Variants in SCHIP1 observed in about 807,000 individuals in gnomAD.
SCHIP1 encodes the protein schwannomin interacting protein 1, also known as schwannomin-interacting protein 1.
SCHIP1 carries 8 observed loss-of-function variants against 29.7 expected under a neutral mutation model. The observed-to-expected ratio is 0.27, with a 90% CI of 0.16 to 0.49. The LOEUF (loss-of-function observed/expected upper bound fraction) is 0.49, where lower values mean the gene tolerates loss of function less well. SCHIP1 is among the 20% of genes least tolerant of loss of function. SCHIP1 has a pLI of 0.99. For missense variants in SCHIP1, 193 were observed against 294.6 expected, an observed-to-expected ratio of 0.66 and a Z score of 2.52; for synonymous variants, 76 against 94.9, an observed-to-expected ratio of 0.80 and a Z score of 1.16.
At chr3:159,752,892 A>C in the SCHIP1 span, among the ~76,000 whole-genome samples, 1 of 152,322 alleles carries the variant, frequency 6.6e-6, no homozygotes, top group East Asian at 1.9e-4. Context: ...TATTCCCCAG[A>C]ATTAATGTGT....
chr3:159,420,593 C>G, the SCHIP1 span, among the ~76,000 whole-genome samples: 1 of 152,140 alleles, frequency 6.6e-6, no homozygotes, highest in East Asian at 1.9e-4. Flanking sequence ...AGGGAAATTT[C>G]TTCTTCATGG....
At chr3:159,522,385 C>G in the SCHIP1 span, among the ~76,000 whole-genome samples, 3 of 152,112 alleles carry the variant, frequency 2.0e-5, no homozygotes, top group African/African-American at 7.2e-5. Flanking sequence ...CTCAAGATGT[C>G]CTATATAAAG....
the SCHIP1 span, among the ~76,000 whole-genome samples, chr3:159,580,621 G>GA: frequency 1.3e-5 from 2 of 152,124 alleles, no homozygotes; most frequent in South Asian, 2.1e-4. Flanking sequence ...AATGAGGCTA[G>GA]AAAAAAGATG....
the SCHIP1 span, among the ~76,000 whole-genome samples, chr3:159,699,640 G>A: frequency 6.6e-6 from 1 of 152,236 alleles, no homozygotes; most frequent in African/African-American, 2.4e-5. Context: ...AAGATGAGCA[G>A]TGACATTGGT....
the SCHIP1 span, among the ~76,000 whole-genome samples, chr3:159,337,965 A>G: frequency 6.6e-6 from 1 of 152,218 alleles, no homozygotes; most frequent in Non-Finnish European, 1.5e-5. Context: ...AGAACACTCA[A>G]TAAAACTTTC....
At chr3:159,614,561 G>T in the SCHIP1 span, among the ~76,000 whole-genome samples, 6 of 152,234 alleles carry the variant, frequency 3.9e-5, no homozygotes, top group South Asian at 1.0e-3. Flanking sequence ...GATCAAGTGA[G>T]AGGAGTGATG....
At chr3:159,592,225 C>G in the SCHIP1 span, among the ~76,000 whole-genome samples, 1 of 152,028 alleles carries the variant, frequency 6.6e-6, no homozygotes. Context: ...TTGACTTGAA[C>G]AGAAGGGATC....
the SCHIP1 span, among the ~76,000 whole-genome samples, chr3:159,826,668 T>A: frequency 2.0e-5 from 3 of 152,236 alleles, no homozygotes; most frequent in African/African-American, 7.2e-5. Flanking sequence ...AGAAGAGAGA[T>A]GTTGGAATGA....
chr3:159,686,122 C>A, the SCHIP1 span, among the ~76,000 whole-genome samples: 1 of 152,200 alleles, frequency 6.6e-6, no homozygotes, highest in Non-Finnish European at 1.5e-5. Context: ...CAAAAGGCTA[C>A]ACCAGAGGTA....
the SCHIP1 span, among the ~76,000 whole-genome samples, chr3:159,753,126 G>A: frequency 4.7e-4 from 72 of 152,216 alleles, 1 homozygote; most frequent in Admixed American, 2.9e-3. Context: ...GCTAGAATCC[G>A]TTAGGACTAG....
the SCHIP1 span, among the ~76,000 whole-genome samples, chr3:159,554,028 G>GTGTGTGTGTGTA: frequency 1.2e-4 from 9 of 73,442 alleles, no homozygotes; most frequent in African/African-American, 1.1e-3. Context: ...GTTTGTGTAT[G>GTGTGTGTGTGTA]TGTGTGTGTG....
chr3:159,663,822 T>C, the SCHIP1 span, among the ~76,000 whole-genome samples: 2 of 152,146 alleles, frequency 1.3e-5, no homozygotes, highest in Non-Finnish European at 2.9e-5. Flanking sequence ...ATATATGATA[T>C]ACATTAATTG....
chr3:159,607,064 A>G, the SCHIP1 span, among the ~76,000 whole-genome samples: 261 of 152,356 alleles, frequency 1.7e-3, 1 homozygote, highest in African/African-American at 6.1e-3. Flanking sequence ...TTCACGGGCT[A>G]AACTGCAAAA....
At chr3:159,298,050 T>A in the SCHIP1 span, among the ~76,000 whole-genome samples, 2 of 152,202 alleles carry the variant, frequency 1.3e-5, no homozygotes, top group Non-Finnish European at 2.9e-5. Flanking sequence ...GGGAGTTTGC[T>A]CTGTTTGTTC....
the SCHIP1 span, among the ~76,000 whole-genome samples, chr3:159,494,122 T>C: frequency 6.6e-6 from 1 of 152,166 alleles, no homozygotes; most frequent in African/African-American, 2.4e-5. Context: ...GGGAAATTTA[T>C]AGCACTAAAT....
At chr3:159,407,330 GAGGATATATCAATTTTA>G in the SCHIP1 span, among the ~76,000 whole-genome samples, 1 of 152,158 alleles carries the variant, frequency 6.6e-6, no homozygotes, top group Non-Finnish European at 1.5e-5. Context: ...AATTCAGCAA[GAGGATATATCAATTTTA>G]AATATATATG....
the SCHIP1 span, among the ~76,000 whole-genome samples, chr3:159,526,449 A>G: frequency 1.3e-5 from 2 of 152,298 alleles, no homozygotes; most frequent in South Asian, 4.1e-4. Flanking sequence ...GATTACAGGA[A>G]TGAGCCACCA....
chr3:159,863,927 A>G (rs943439450), intron 1 of SCHIP1, among the ~76,000 whole-genome samples: 3 of 152,212 alleles, frequency 2.0e-5, no homozygotes, highest in Non-Finnish European at 4.4e-5. Flanking sequence ...ATACCCTGGG[A>G]TAAGAGTTTT....
At chr3:159,452,779 T>C in the SCHIP1 span, among the ~76,000 whole-genome samples, 1 of 152,214 alleles carries the variant, frequency 6.6e-6, no homozygotes, top group Non-Finnish European at 1.5e-5. Context: ...AGTATAAAAG[T>C]GTTTCTATTT....
Sources: allele counts gnomAD v4.1 joint callset (sites outside exome capture counted in the v4.1 genomes callset), GRCh38; gene constraint gnomAD v4.1.1; transcripts MANE v1.5; gene names NCBI Gene and HGNC (gene_info 2026-07-23, HGNC 2026-07-21).